The following FLT1 variants were observed in gnomAD, a reference collection of about 807,000 sequenced individuals.
FLT1 encodes fms related receptor tyrosine kinase 1.
Under a neutral mutation model 156.3 loss-of-function variants are expected in FLT1, and 49 were observed. The observed-to-expected ratio is 0.31, with a 90% CI of 0.25 to 0.40. The LOEUF is 0.40. Ranked by LOEUF, FLT1 falls within the 10% of genes least tolerant of loss-of-function variation. The pLI is 1.00. For missense variants in FLT1, 1,322 were observed against 1,637.2 expected (o/e 0.81, Z 3.32); for synonymous variants, 594 against 583.8 (o/e 1.02, Z -0.25).
intron 3 of FLT1, among the ~76,000 whole-genome samples, chr13:28,445,009 A>G (rs1271385882): frequency 1.3e-5 from 2 of 152,210 alleles, no homozygotes; most frequent in Non-Finnish European, 1.5e-5. Context: ...AGCATAAGGG[A>G]GAAAATAATA....
Position 28,434,039 on chromosome 13 carries a change from C to A in FLT1, c.676+19G>T. 1 of 1,614,084 alleles carries A rather than the reference C, an allele frequency of 6.2e-7. No homozygotes were observed. Among genetic ancestry groups the A allele is most frequent in the Non-Finnish European group, 8.5e-7 (1 of 1,179,948 alleles). On this transcript the variant is annotated intron_variant, in intron 5 of 29. Coordinates refer to ENST00000282397, the MANE Select transcript of FLT1 (RefSeq NM_002019.4). Reference sequence around the variant, plus strand: ...CAGAGCACTTCGGCTTATGTTCATGCCTTTGAAGCATCACTTACTTTGTCG... The same window carrying A: ...CAGAGCACTTCGGCTTATGTTCATGACTTTGAAGCATCACTTACTTTGTCG...
At chr13:28,303,498 C>CCCG (rs1555297831) in intron 29 of FLT1, 130 bp from the exon 30 acceptor site, 1 of 797,674 alleles carries the variant, frequency 1.3e-6, no homozygotes, top group African/African-American at 1.7e-5. Context: ...TGGAACCCCC[C>CCCG]CCCCCTCAAT....
At position 28,390,792 on chromosome 13, in the gene FLT1, C is replaced by T. The variant is rs927141829; in HGVS notation, c.1661-688G>A. Among the ~76,000 whole-genome samples, 8 of 152,190 alleles carry T rather than the reference C, an allele frequency of 5.3e-5. No homozygotes were observed. In the East Asian group the frequency reaches 5.8e-4, roughly 11 times the overall value. Reference sequence around the variant, plus strand: ...TGAAGTAACATAAGAGCAATTCATCCTAAAAACCAAAGGCACACTTACGGT... The same window carrying T: ...TGAAGTAACATAAGAGCAATTCATCTTAAAAACCAAAGGCACACTTACGGT... On this transcript the variant is annotated intron_variant, in intron 12 of 29. Transcript: ENST00000282397.
In FLT1 at chr13:28,494,828, C is replaced by T. The variant is rs200728664; in HGVS notation, c.16G>A (p.Asp6Asn). 973 of 1,570,182 alleles carry T rather than the reference C, an allele frequency of 6.2e-4. 3 individuals carry two copies. In the African/African-American group the frequency reaches 0.01, roughly 17 times the overall value. MVSYW[D>N]TGVLLCALLS... ...AGCGCGCACAGCAGGACCCCGGTGT[C>T]CCAGTAGCTGACCATGGTGAGCGCG... The change falls in exon 1 of 30, where the codon GAC (aspartate) becomes AAC (asparagine). Residue 6 changes from aspartate to asparagine, a missense_variant. Around this residue, in one of 3 missense-constraint regions of FLT1, gnomAD observed 991 missense variants for 1,254.8 expected, o/e 0.79. Transcript: ENST00000282397.
Position 28,427,212 on chromosome 13 carries a change from T to G in FLT1, c.1383A>C (p.Gln461His), listed in dbSNP as rs151270578. ...ILTCTAYGIP[Q>H]PTIKWFWHPC... ...GGTGCCAGAACCACTTGATTGTAGG[T>G]TGAGGGATACCATATGCGGTACAAG... is the stretch of plus-strand genomic sequence containing the variant. The change falls in exon 10 of 30, where the codon CAA (glutamine) becomes CAC (histidine). Residue 461 changes from glutamine to histidine, a missense_variant. This residue lies in a region of FLT1 where 991 missense variants were observed against 1,254.8 expected (regional missense o/e 0.79). Transcript: ENST00000282397. 7.5e-4 allele frequency: 1,203 copies of G among 1,614,056 alleles called. No homozygotes were observed. The highest frequency in any genetic ancestry group is 9.3e-4 in the Non-Finnish European group (1,098 of 1,179,938).
chr13:28,445,880 A>G (rs933983057), intron 3 of FLT1, among the ~76,000 whole-genome samples: 4 of 152,230 alleles, frequency 2.6e-5, no homozygotes, highest in African/African-American at 7.2e-5. Context: ...ACCAATATCT[A>G]TTACGAATAT....
chr13:28,368,160 A>T, intron 14 of FLT1: 1 of 552,456 alleles, frequency 1.8e-6, no homozygotes, highest in Non-Finnish European at 2.3e-6. Flanking sequence ...TTATTTATTT[A>T]TTTGTTTTTT....
At chr13:28,378,947 T>C (rs913700291) in intron 14 of FLT1, among the ~76,000 whole-genome samples, 7 of 152,154 alleles carry the variant, frequency 4.6e-5, no homozygotes, top group Non-Finnish European at 7.4e-5. Context: ...CAGAGAACAA[T>C]GAAGTGATGT....
intron 11 of FLT1, among the ~76,000 whole-genome samples, chr13:28,404,551 G>A (rs1875664743): frequency 6.6e-6 from 1 of 152,158 alleles, no homozygotes; most frequent in South Asian, 2.1e-4. Context: ...CATGAGGAAC[G>A]ATGCCATCTA....
rs73455433 is a variant in FLT1 at position 28,462,284 on chromosome 13, T to G, written c.388+4619A>C. Among the ~76,000 whole-genome samples, 1,282 of 152,314 alleles carry G rather than the reference T, an allele frequency of 8.4e-3. 26 individuals are homozygous for G. Among genetic ancestry groups the G allele is most frequent in the African/African-American group, 0.029 (1,193 of 41,568 alleles). On this transcript the variant is annotated intron_variant, in intron 3 of 29. Coordinates refer to ENST00000282397, the MANE Select transcript of FLT1 (RefSeq NM_002019.4). ...TAACTCATATATTACAATAATATTT[T>G]CAATGAAATCCTCTAACTGTGAGAA...
At chr13:28,410,023 C>A (rs1876055337) in intron 10 of FLT1, among the ~76,000 whole-genome samples, 1 of 152,140 alleles carries the variant, frequency 6.6e-6, no homozygotes, top group Admixed American at 6.5e-5. Context: ...ACTTTGTCAC[C>A]CTGCAGTTCC....
At chr13:28,312,481 C>G (rs1382470724) in intron 25 of FLT1, among the ~76,000 whole-genome samples, 1 of 151,614 alleles carries the variant, frequency 6.6e-6, no homozygotes, top group Non-Finnish European at 1.5e-5. Context: ...CCTCCCCACA[C>G]TTACAGAAGT....
At chr13:28,377,643 G>T (rs1198421183) in intron 14 of FLT1, among the ~76,000 whole-genome samples, 1 of 152,182 alleles carries the variant, frequency 6.6e-6, no homozygotes, top group African/African-American at 2.4e-5. Flanking sequence ...CGCAGTGCCA[G>T]ACACAAAGCA....
chr13:28,314,262 C>T (rs527674784), intron 25 of FLT1, among the ~76,000 whole-genome samples: 1 of 152,316 alleles, frequency 6.6e-6, no homozygotes, highest in Admixed American at 6.5e-5. Context: ...CCCTAGTTTC[C>T]CTGCTGACAC....
chr13:28,444,696 T>A (rs1878514750), intron 3 of FLT1, among the ~76,000 whole-genome samples: 1 of 152,098 alleles, frequency 6.6e-6, no homozygotes, highest in Admixed American at 6.5e-5. Context: ...TGGAATGCAA[T>A]TAAAAATCAA....
intron 28 of FLT1, 138 bp downstream of exon 28, chr13:28,308,705 C>G (rs1446857982): frequency 1.4e-6 from 1 of 711,704 alleles, no homozygotes; most frequent in East Asian, 2.7e-5. Context: ...TCAGTCCTCC[C>G]CACACTGTCA....
intron 15 of FLT1, among the ~76,000 whole-genome samples, chr13:28,348,751 T>C (rs911153710): frequency 3.3e-5 from 5 of 151,982 alleles, no homozygotes; most frequent in African/African-American, 1.2e-4. Flanking sequence ...CTACTAAAAA[T>C]ACAAAAAATT....
chr13:28,370,203 CT>C lies in FLT1; in HGVS notation c.2117-12519del, dbSNP rs780932007. Among the ~76,000 whole-genome samples, 6 of 151,652 alleles carry C rather than the reference CT, an allele frequency of 4.0e-5. No homozygotes were observed. In the East Asian group the frequency reaches 9.7e-4, roughly 25 times the overall value. Reference sequence around the variant, plus strand: ...TGTCTCAAAAAGAAAAAAAAAAAAGCTGTATAATATTCTTCTCACTGTAACC... The same window carrying C: ...TGTCTCAAAAAGAAAAAAAAAAAAGCGTATAATATTCTTCTCACTGTAACC... On this transcript the variant is annotated intron_variant, in intron 14 of 29. Coordinates refer to ENST00000282397, the MANE Select transcript of FLT1 (RefSeq NM_002019.4).
intron 1 of FLT1, among the ~76,000 whole-genome samples, chr13:28,479,182 A>T (rs185472275): frequency 6.6e-6 from 1 of 152,326 alleles, no homozygotes; most frequent in East Asian, 1.9e-4. Flanking sequence ...TTTGAGATTT[A>T]AATGGCCAAG....
Sources: gnomAD v4.1 joint callset for allele counts (sites outside exome capture counted in the v4.1 genomes callset) on GRCh38, gnomAD v4.1.1 for gene constraint, gnomAD v4.1.1 regional missense constraint, MANE v1.5 for transcripts, NCBI Gene and HGNC (gene_info 2026-07-23, HGNC 2026-07-21) for gene names.